AGBL1: variants seen among roughly 807,000 people sequenced by gnomAD.
AGBL1 encodes the protein cytosolic carboxypeptidase 4.
AGBL1 carries 130 observed loss-of-function variants against 118.9 expected under a neutral mutation model. The ratio of observed to expected loss-of-function variants is 1.09; its 90% CI spans 0.95 to 1.26. AGBL1 has a LOEUF of 1.26. Among genes scored for constraint, AGBL1 ranks in the 50% most tolerant of loss-of-function variants. The probability of loss-of-function intolerance (pLI) is 0.00; values close to 1 mark genes in which losing one functional copy is unlikely to be tolerated. For synonymous variants in AGBL1, 555 were observed against 478.9 expected, an observed-to-expected ratio of 1.16 and a Z score of -2.08; for missense variants, 1,584 against 1,298.1, an observed-to-expected ratio of 1.22 and a Z score of -3.38.
At chr15:86,994,307 C>T (rs1403092007) in intron 24 of AGBL1, among the ~76,000 whole-genome samples, 1 of 144,206 alleles carries the variant, frequency 6.9e-6, no homozygotes, top group Non-Finnish European at 1.5e-5. Flanking sequence ...ATATCTCTCT[C>T]TCTCTATATA....
In AGBL1 at chr15:86,167,243, A is replaced by G. The variant is rs189692544; in HGVS notation, c.488+8217A>G. Among the ~76,000 whole-genome samples the G allele has an allele frequency of 3.0e-3, 433 of 144,672 alleles. 1 individual carries two copies. Among genetic ancestry groups the G allele is most frequent in the African/African-American group, 0.01 (407 of 39,370 alleles). 94.9% of individuals were successfully genotyped at this position (144,672 alleles called of 152,430 possible). Reference sequence around the variant, plus strand: ...TTGAGGGAACTGATATTTCTTTTTTACTTTTCTTTTTTTTTTTTTTGAGAT... The same window carrying G: ...TTGAGGGAACTGATATTTCTTTTTTGCTTTTCTTTTTTTTTTTTTTGAGAT... On this transcript the variant is annotated intron_variant, in intron 5 of 22. Transcript: ENST00000614907.
At chr15:86,338,363 G>A (rs1232644285) in intron 17 of AGBL1, among the ~76,000 whole-genome samples, 1 of 152,164 alleles carries the variant, frequency 6.6e-6, no homozygotes, top group Non-Finnish European at 1.5e-5. Context: ...AGTTCTGAGA[G>A]GTGACGAGGG....
intron 18 of AGBL1, among the ~76,000 whole-genome samples, chr15:86,505,812 G>C (rs1467992558): frequency 2.0e-5 from 3 of 151,722 alleles, no homozygotes; most frequent in Non-Finnish European, 4.4e-5. Flanking sequence ...TATATTTTCT[G>C]TGTATAGCCT....
At chr15:86,973,807 C>A (rs2081135275) in intron 23 of AGBL1, among the ~76,000 whole-genome samples, 1 of 150,558 alleles carries the variant, frequency 6.6e-6, no homozygotes, top group Admixed American at 6.7e-5. Context: ...TATATTTCTT[C>A]ATTGAAAAGC....
At chr15:86,381,982 C>T (rs1596042154) in intron 17 of AGBL1, among the ~76,000 whole-genome samples, 2 of 152,262 alleles carry the variant, frequency 1.3e-5, no homozygotes. Flanking sequence ...GGAAAATATC[C>T]AAAAGGTATT....
At chr15:86,388,037 G>A (rs2081222819) in intron 17 of AGBL1, among the ~76,000 whole-genome samples, 1 of 152,130 alleles carries the variant, frequency 6.6e-6, no homozygotes, top group African/African-American at 2.4e-5. Flanking sequence ...GAAGGCAAAT[G>A]GTTTGGAAAT....
intron 1 of AGBL1, among the ~76,000 whole-genome samples, chr15:86,129,608 T>C (rs2076793055): frequency 6.6e-6 from 1 of 152,216 alleles, no homozygotes; most frequent in South Asian, 2.1e-4. Flanking sequence ...TCTGTAGATA[T>C]TTTTGGTTGT....
chr15:86,773,293 T>A (rs2078207738), intron 22 of AGBL1, among the ~76,000 whole-genome samples: 1 of 152,028 alleles, frequency 6.6e-6, no homozygotes, highest in South Asian at 2.1e-4. Flanking sequence ...GAGGCACTCC[T>A]GAGTGGAAGA....
chr15:86,153,935 A>G (rs2077152580), intron 3 of AGBL1, among the ~76,000 whole-genome samples: 1 of 152,188 alleles, frequency 6.6e-6, no homozygotes, highest in Non-Finnish European at 1.5e-5. Context: ...CAATACCATT[A>G]TTACAAACCT....
At chr15:86,462,670 T>A (rs2082349195) in intron 18 of AGBL1, among the ~76,000 whole-genome samples, 1 of 152,030 alleles carries the variant, frequency 6.6e-6, no homozygotes, top group African/African-American at 2.4e-5. Context: ...TACTTATCAG[T>A]GAGAACATGC....
intron 18 of AGBL1, among the ~76,000 whole-genome samples, chr15:86,434,536 A>G (rs1233553942): frequency 3.3e-5 from 5 of 152,238 alleles, no homozygotes; most frequent in African/African-American, 9.6e-5. Context: ...GATACATGTT[A>G]AGAGGATCAT....
At chr15:86,554,906 T>C (rs1475354590) in intron 21 of AGBL1, among the ~76,000 whole-genome samples, 1 of 152,190 alleles carries the variant, frequency 6.6e-6, no homozygotes, top group East Asian at 1.9e-4. Context: ...ATGTACATCA[T>C]AAAGGGCATA....
chr15:86,126,053 C>T (rs77397004), intron 1 of AGBL1, among the ~76,000 whole-genome samples: 3,198 of 152,208 alleles, frequency 0.021, 70 homozygotes, highest in South Asian at 0.071. Flanking sequence ...ATTTTCTTCT[C>T]GGTGTCCTGT....
At chr15:86,639,626 A>G (rs896135021) in intron 21 of AGBL1, among the ~76,000 whole-genome samples, 3 of 152,108 alleles carry the variant, frequency 2.0e-5, no homozygotes, top group African/African-American at 4.8e-5. Context: ...TACCTCCCCC[A>G]TACAGCTTCC....
intron 17 of AGBL1, among the ~76,000 whole-genome samples, chr15:86,322,002 A>G (rs1477291762): frequency 1.3e-5 from 2 of 151,664 alleles, no homozygotes; most frequent in African/African-American, 4.8e-5. Context: ...ATTTTATTGT[A>G]AGCAGAGAAT....
intron 7 of AGBL1, among the ~76,000 whole-genome samples, chr15:86,248,337 A>G (rs2078755329): frequency 6.6e-6 from 1 of 152,214 alleles, no homozygotes; most frequent in African/African-American, 2.4e-5. Flanking sequence ...CAACGGCAAC[A>G]ATAAAATCTT....
intron 22 of AGBL1, among the ~76,000 whole-genome samples, chr15:86,692,556 C>G (rs533716440): frequency 6.6e-6 from 1 of 152,202 alleles, no homozygotes; most frequent in East Asian, 1.9e-4. Flanking sequence ...GAATAAATAC[C>G]ACATCTCTTT....
At chr15:86,158,886 A>G (rs1405071886) in intron 4 of AGBL1, 47 bp from the exon 5 acceptor site, 5 of 1,550,264 alleles carry the variant, frequency 3.2e-6, no homozygotes, top group Non-Finnish European at 4.5e-6. Context: ...CTTGAGCCTT[A>G]ACTCATCCAC....
intron 23 of AGBL1, among the ~76,000 whole-genome samples, chr15:86,970,715 G>A (rs1465929278): frequency 6.6e-6 from 1 of 151,914 alleles, no homozygotes; most frequent in East Asian, 1.9e-4. Context: ...AATTCAGTAT[G>A]TTCCTACCAC....
Sources: allele counts gnomAD v4.1 joint callset (sites outside exome capture counted in the v4.1 genomes callset), GRCh38; gene constraint gnomAD v4.1.1; transcripts MANE v1.5; gene names NCBI Gene and HGNC (gene_info 2026-07-23, HGNC 2026-07-21).